Variants in ARMC3 observed in about 807,000 individuals in gnomAD.
ARMC3 encodes the protein armadillo repeat-containing protein 3.
Under a neutral mutation model 90.3 loss-of-function variants are expected in ARMC3, and 74 were observed. The ratio of observed to expected loss-of-function variants is 0.82; its 90% CI spans 0.68 to 0.99. ARMC3 has a LOEUF of 0.99. ARMC3 is among the 50% of genes least tolerant of loss of function. The pLI is 0.00. For synonymous variants in ARMC3, 334 were observed against 361.8 expected (o/e 0.92, Z 0.87); for missense variants, 958 against 1,042.8 (o/e 0.92, Z 1.12).
At chr10:22,932,894 A>C (rs1833983678) in intron 2 of ARMC3, among the ~76,000 whole-genome samples, 1 of 152,242 alleles carries the variant, frequency 6.6e-6, no homozygotes, top group African/African-American at 2.4e-5. Context: ...AATTTGGCCA[A>C]GTTATTTCGG....
intron 10 of ARMC3, among the ~76,000 whole-genome samples, chr10:22,987,660 T>A (rs1462032746): frequency 6.6e-6 from 1 of 152,210 alleles, no homozygotes; most frequent in Admixed American, 6.5e-5. Context: ...TGATCATAAG[T>A]CCCTTGTTTA....
intron 8 of ARMC3, 111 bp from the exon 9 acceptor site, chr10:22,981,229 C>T (rs1242060835): frequency 9.6e-7 from 1 of 1,040,754 alleles, no homozygotes; most frequent in Non-Finnish European, 1.4e-6. Context: ...GACTCTGGTA[C>T]TAAAACTACC....
chr10:22,929,630 C>G (rs1421290196), intron 1 of ARMC3, among the ~76,000 whole-genome samples: 1 of 152,178 alleles, frequency 6.6e-6, no homozygotes, highest in African/African-American at 2.4e-5. Context: ...TTATTGCAAC[C>G]TCCGCCTCCC....
chr10:22,966,339 G>A (rs544282766), intron 7 of ARMC3, among the ~76,000 whole-genome samples: 1 of 152,358 alleles, frequency 6.6e-6, no homozygotes, highest in Non-Finnish European at 1.5e-5. Context: ...ATTGAGGAAT[G>A]CACTGTATTT....
intron 13 of ARMC3, among the ~76,000 whole-genome samples, chr10:23,005,832 C>A (rs535804180): frequency 6.6e-6 from 1 of 151,962 alleles, no homozygotes; most frequent in East Asian, 1.9e-4. Flanking sequence ...CCATTGTACT[C>A]CAGCCTGGGC....
rs564312107 is a variant in ARMC3, at chr10:22,986,573, A to C, written c.1175+4873A>C. 7.9e-3 allele frequency among the ~76,000 whole-genome samples: 1,154 copies of C among 146,530 alleles called. 13 individuals are homozygous for C. The highest frequency in any genetic ancestry group is 0.021 in the African/African-American group (811 of 39,310). On this transcript the variant is annotated intron_variant, in intron 10 of 18. Transcript: ENST00000298032. ...TCTCAAAAAAAAAAACAAAAAAAAA[A>C]AAAACAAACCCAAAACAAAACAAAA...
chr10:22,974,307 G>A lies in ARMC3; in HGVS notation c.916+5818G>A, dbSNP rs554792057. On this transcript the variant is annotated intron_variant, in intron 8 of 18. Transcript: ENST00000298032. ...AAGGGAATAAGCAAGAGATGATGAG[G>A]TCCCCAGAGATTAGCAATATTGGGA... 2.0e-5 allele frequency among the ~76,000 whole-genome samples: 3 copies of A among 152,176 alleles called. No individual in the cohort carries two copies. In the East Asian group the frequency reaches 5.8e-4, roughly 29 times the overall value.
intron 16 of ARMC3, among the ~76,000 whole-genome samples, chr10:23,014,926 G>T (rs950876693): frequency 2.0e-4 from 29 of 145,920 alleles, no homozygotes; most frequent in Non-Finnish European, 4.1e-4. Context: ...GACACAAATT[G>T]CCTATGTAAC....
chr10:23,001,858 A>T (rs917189660), intron 11 of ARMC3, 61 bp from the exon 12 acceptor site: 9 of 1,531,018 alleles, frequency 5.9e-6, no homozygotes, highest in Admixed American at 2.0e-5. Flanking sequence ...AGATTTTTTT[A>T]AAAGCACAAA....
chr10:23,001,174 GC>G (rs999165198), intron 11 of ARMC3, among the ~76,000 whole-genome samples: 21 of 152,146 alleles, frequency 1.4e-4, no homozygotes, highest in African/African-American at 5.1e-4. Context: ...GGTTCATCCA[GC>G]CTCAATCTTA....
At chr10:23,010,625 C>A (rs1837926535) in intron 16 of ARMC3, among the ~76,000 whole-genome samples, 1 of 135,936 alleles carries the variant, frequency 7.4e-6, no homozygotes, top group Non-Finnish European at 1.6e-5. Flanking sequence ...ATTCCCTGAC[C>A]TACCATCTTC....
Position 23,037,457 on chromosome 10 carries a change from C to T in ARMC3, c.2597C>T (p.Ala866Val), listed in dbSNP as rs1839165484. The T allele has an allele frequency of 2.5e-6, 4 of 1,613,556 alleles. No individual in the cohort carries two copies. Among genetic ancestry groups the T allele is most frequent in the African/African-American group, 1.3e-5 (1 of 74,930 alleles). ...CTGATGAAGTTGAGAAGTCGAGAGG[C>T]TGATCTTTACAGATTCATTTAAGCC... Reference protein sequence around the residue: ...GGLMKLRSREADLYRFI With the variant: ...GGLMKLRSREVDLYRFI The change falls in exon 19 of 19, where the codon GCT becomes GTT. Residue 866 changes from alanine to valine, a missense_variant. Ala to Val is a moderately conservative substitution (Grantham distance 64). Transcript: ENST00000298032.
chr10:23,002,167 G>A, intron 12 of ARMC3, 112 bp downstream of exon 12: 9 of 1,421,902 alleles, frequency 6.3e-6, no homozygotes, highest in East Asian at 2.5e-5. Flanking sequence ...CTCTCAGTCC[G>A]CTGAAGCGCT....
intron 2 of ARMC3, among the ~76,000 whole-genome samples, chr10:22,933,776 T>G (rs1302971366): frequency 6.6e-6 from 1 of 152,102 alleles, no homozygotes; most frequent in Non-Finnish European, 1.5e-5. Flanking sequence ...TCCCAGCTAC[T>G]CGGGAGGCTG....
chr10:22,997,078 G>T (rs74743348), intron 10 of ARMC3, among the ~76,000 whole-genome samples: 3,476 of 151,842 alleles, frequency 0.023, 132 homozygotes, highest in African/African-American at 0.081. Context: ...CAGAATTTTG[G>T]GTCTCCCTTT....
intron 16 of ARMC3, among the ~76,000 whole-genome samples, chr10:23,026,300 A>T (rs1829379867): frequency 6.6e-6 from 1 of 152,092 alleles, no homozygotes; most frequent in South Asian, 2.1e-4. Context: ...AAAATTACAG[A>T]TCAGTATTCC....
At chr10:22,995,498 T>G (rs886324353) in intron 10 of ARMC3, among the ~76,000 whole-genome samples, 2 of 152,202 alleles carry the variant, frequency 1.3e-5, no homozygotes, top group Admixed American at 6.6e-5. Context: ...TTATGTTCAA[T>G]TTAGTAAAAG....
At chr10:23,007,698 CAAAA>C (rs1188080079) in intron 14 of ARMC3, among the ~76,000 whole-genome samples, 3 of 33,710 alleles carry the variant, frequency 8.9e-5, no homozygotes, top group African/African-American at 2.2e-4. Context: ...GACTCCGTCT[CAAAA>C]AAAAAAAAAA....
chr10:22,969,627 T>C (rs1308772823), intron 8 of ARMC3, among the ~76,000 whole-genome samples: 2 of 152,222 alleles, frequency 1.3e-5, no homozygotes, highest in Non-Finnish European at 2.9e-5. Flanking sequence ...TTTCTTCATA[T>C]TGGCAAAAGT....
Sources: gnomAD v4.1 joint callset for allele counts (sites outside exome capture counted in the v4.1 genomes callset) on GRCh38, gnomAD v4.1.1 for gene constraint, MANE v1.5 for transcripts, NCBI Gene and HGNC (gene_info 2026-07-23, HGNC 2026-07-21) for gene names.